The following ITPR2 variants were observed in gnomAD, a reference collection of about 807,000 sequenced individuals.
ITPR2 encodes the protein inositol 1,4,5-trisphosphate receptor type 2.
In ITPR2, 207 loss-of-function variants were observed where a neutral mutation model predicts 317.1. The observed-to-expected ratio is 0.65, with a 90% CI of 0.58 to 0.73. The LOEUF (loss-of-function observed/expected upper bound fraction) is 0.73, where lower values mean the gene tolerates loss of function less well. ITPR2 is among the 30% of genes least tolerant of loss of function. ITPR2 has a pLI of 0.00. For missense variants in ITPR2, 2,613 were observed against 3,284.0 expected (o/e 0.80, Z 4.99); for synonymous variants, 1,156 against 1,149.1 (o/e 1.01, Z -0.12).
intron 55 of ITPR2, among the ~76,000 whole-genome samples, chr12:26,382,528 G>C (rs1007812131): frequency 6.6e-6 from 1 of 152,128 alleles, no homozygotes; most frequent in Non-Finnish European, 1.5e-5. Context: ...AGCAAGGTGT[G>C]GTGGTGCATG....
chr12:26,522,000 T>C (rs1943679236), intron 37 of ITPR2, among the ~76,000 whole-genome samples: 1 of 152,224 alleles, frequency 6.6e-6, no homozygotes, highest in African/African-American at 2.4e-5. Flanking sequence ...TCCCACTATA[T>C]TCTTTTGACT....
intron 1 of ITPR2, among the ~76,000 whole-genome samples, chr12:26,796,377 A>G (rs1319676795): frequency 6.6e-6 from 1 of 152,240 alleles, no homozygotes; most frequent in Non-Finnish European, 1.5e-5. Flanking sequence ...TTCATTTGTA[A>G]TCAGAAAAAA....
At chr12:26,723,166 A>G (rs1210637463) in intron 4 of ITPR2, among the ~76,000 whole-genome samples, 1 of 152,158 alleles carries the variant, frequency 6.6e-6, no homozygotes, top group Non-Finnish European at 1.5e-5. Context: ...GATTCTACTG[A>G]GTAGCAAAAC....
chr12:26,710,396 T>C (rs1328455032), intron 9 of ITPR2, among the ~76,000 whole-genome samples: 1 of 152,214 alleles, frequency 6.6e-6, no homozygotes, highest in Non-Finnish European at 1.5e-5. Context: ...ATTTGCCCAA[T>C]ATGTCTCCAA....
intron 13 of ITPR2, among the ~76,000 whole-genome samples, chr12:26,681,112 T>C (rs1948019666): frequency 6.6e-6 from 1 of 152,204 alleles, no homozygotes; most frequent in Non-Finnish European, 1.5e-5. Context: ...ATGCTTGTGC[T>C]TAGGCATACT....
intron 1 of ITPR2, among the ~76,000 whole-genome samples, chr12:26,822,422 G>A (rs1001712834): frequency 2.0e-5 from 3 of 151,908 alleles, no homozygotes; most frequent in African/African-American, 7.3e-5. Context: ...ATACCAGAAG[G>A]GTACTCTATA....
intron 9 of ITPR2, among the ~76,000 whole-genome samples, chr12:26,701,103 G>T (rs186044942): frequency 1.3e-5 from 2 of 152,170 alleles, no homozygotes; most frequent in Non-Finnish European, 2.9e-5. Context: ...TCAATTAACT[G>T]GCCAAAGAAG....
In ITPR2 at chr12:26,419,227, A is replaced by G. The variant is rs1940815661; in HGVS notation, c.6946-14T>C. 2.5e-6 allele frequency: 4 copies of G among 1,612,020 alleles called. No individual in the cohort carries two copies. Among genetic ancestry groups the G allele is most frequent in the Middle Eastern group, 1.7e-4 (1 of 6,044 alleles). Reference sequence around the variant, plus strand: ...TTTATTACAAAGCTAAAGGGAGGAAAGGGTTACAGATTACTGTCTTATTTA... The same window carrying G: ...TTTATTACAAAGCTAAAGGGAGGAAGGGGTTACAGATTACTGTCTTATTTA... On this transcript the variant is annotated splice_polypyrimidine_tract_variant and intron_variant, in intron 49 of 56. Transcript: ENST00000381340.
chr12:26,392,940 T>A (rs1271448365), intron 54 of ITPR2, among the ~76,000 whole-genome samples: 1 of 152,210 alleles, frequency 6.6e-6, no homozygotes, highest in Non-Finnish European at 1.5e-5. Context: ...TCATAATTAA[T>A]ATGGATGCAA....
At position 26,339,551 on chromosome 12, in the gene ITPR2, A is replaced by G. The variant is rs1434418499; in HGVS notation, c.8020-68T>C. On this transcript the variant is annotated intron_variant, in intron 56 of 56. Transcript: ENST00000381340. ...TCTTACCCAGTGCTGGTGGGCCACA[A>G]CCGTTTTGAGTTAATATTCCCCAAC... is the stretch of plus-strand genomic sequence containing the variant. The G allele has an allele frequency of 4.9e-6, 6 of 1,226,498 alleles. No homozygotes were observed. In the African/African-American group the frequency reaches 7.4e-5, roughly 15 times the overall value. The allele number at this position is 1,226,498 out of a possible 1,614,324, so 76.0% of individuals were successfully genotyped here.
chr12:26,409,505 G>C (rs1044665758), intron 52 of ITPR2, among the ~76,000 whole-genome samples: 1 of 151,910 alleles, frequency 6.6e-6, no homozygotes, highest in Non-Finnish European at 1.5e-5. Context: ...ACCCTTAATG[G>C]AAATCTTCTA....
intron 55 of ITPR2, among the ~76,000 whole-genome samples, chr12:26,361,856 G>T (rs1477015733): frequency 2.0e-5 from 3 of 152,204 alleles, no homozygotes; most frequent in Non-Finnish European, 2.9e-5. Flanking sequence ...CAGCAATTTA[G>T]AAAGATCTTA....
intron 22 of ITPR2, chr12:26,630,683 C>T (rs543490588): frequency 1.7e-4 from 26 of 152,244 alleles, no homozygotes; most frequent in African/African-American, 6.3e-4. Context: ...GAATCAGCCC[C>T]GGACTGCTGA....
At chr12:26,429,461 G>A (rs771653384) in intron 48 of ITPR2, among the ~76,000 whole-genome samples, 5 of 152,130 alleles carry the variant, frequency 3.3e-5, no homozygotes, top group Admixed American at 6.5e-5. Context: ...TACCCTACTC[G>A]TGTTTATGAT....
intron 41 of ITPR2, among the ~76,000 whole-genome samples, chr12:26,485,644 C>A (rs982076157): frequency 5.9e-5 from 9 of 152,220 alleles, no homozygotes; most frequent in Admixed American, 4.6e-4. Context: ...TGGTTAAAAA[C>A]ATCCTCTTCT....
At chr12:26,518,039 T>C (rs1339128497) in intron 37 of ITPR2, among the ~76,000 whole-genome samples, 1 of 152,158 alleles carries the variant, frequency 6.6e-6, no homozygotes, top group African/African-American at 2.4e-5. Context: ...CAAAGGAATA[T>C]AAATTATTTT....
chr12:26,522,844 G>A (rs532739708), intron 37 of ITPR2, among the ~76,000 whole-genome samples: 9 of 150,534 alleles, frequency 6.0e-5, no homozygotes, highest in South Asian at 2.1e-4. Flanking sequence ...TCCACGGCGG[G>A]GGGGGAACCC....
intron 37 of ITPR2, among the ~76,000 whole-genome samples, chr12:26,503,140 C>T (rs939538100): frequency 9.5e-5 from 14 of 147,138 alleles, no homozygotes; most frequent in Admixed American, 2.8e-4. Context: ...TGCATGGCTC[C>T]GAAGAGCTGG....
In ITPR2 at chr12:26,664,976, T is replaced by C. The variant is rs542876901; in HGVS notation, c.1551+934A>G. 2.0e-5 allele frequency among the ~76,000 whole-genome samples: 3 copies of C among 152,338 alleles called. 1 individual carries two copies. The highest frequency in any genetic ancestry group is 7.2e-5 in the African/African-American group (3 of 41,586). ...AAGAACATGATTTTTATGTTTTAAG[T>C]ATCTTCCTTGAGTCTATACTTCATT... On this transcript the variant is annotated intron_variant, in intron 14 of 56. Coordinates refer to ENST00000381340, the MANE Select transcript of ITPR2 (RefSeq NM_002223.4).
Sources: allele counts gnomAD v4.1 joint callset (sites outside exome capture counted in the v4.1 genomes callset), GRCh38; gene constraint gnomAD v4.1.1; transcripts MANE v1.5; gene names NCBI Gene and HGNC (gene_info 2026-07-23, HGNC 2026-07-21).